The following SCML4 variants were observed in gnomAD, a reference collection of about 807,000 sequenced individuals.
The protein encoded by SCML4 is Scm polycomb group protein like 4, also known as sex comb on midleg-like protein 4.
Under a neutral mutation model 41.1 loss-of-function variants are expected in SCML4, and 34 were observed. The ratio of observed to expected loss-of-function variants is 0.83; its 90% CI spans 0.63 to 1.10. The LOEUF (loss-of-function observed/expected upper bound fraction) is 1.10. Ranked by LOEUF, SCML4 falls within the 50% of genes least tolerant of loss-of-function variation. The probability of loss-of-function intolerance (pLI) is 0.00; values close to 1 mark genes in which losing one functional copy is unlikely to be tolerated. For synonymous variants in SCML4, 214 were observed against 220.9 expected (o/e 0.97, Z 0.28); for missense variants, 522 against 534.1 (o/e 0.98, Z 0.22).
intron 2 of SCML4, among the ~76,000 whole-genome samples, chr6:107,761,334 CTTAAAA>C (rs1047491507): frequency 3.9e-5 from 6 of 151,948 alleles, no homozygotes; most frequent in African/African-American, 1.2e-4. Flanking sequence ...AGAGAAAAAT[CTTAAAA>C]TTAAAAATAC....
intron 1 of SCML4, among the ~76,000 whole-genome samples, chr6:107,806,061 G>A (rs763121771): frequency 5.9e-5 from 9 of 152,124 alleles, no homozygotes; most frequent in Non-Finnish European, 8.8e-5. Context: ...GATTTACCAC[G>A]GGGCCAGGTG....
intron 1 of SCML4, among the ~76,000 whole-genome samples, chr6:107,813,649 C>T (rs1024396188): frequency 2.0e-5 from 3 of 151,896 alleles, no homozygotes; most frequent in African/African-American, 7.3e-5. Context: ...CTTCCTTAGG[C>T]ATCAAAAATA....
chr6:107,828,283 G>A (rs1785313046), upstream of SCML4, among the ~76,000 whole-genome samples: 1 of 152,104 alleles, frequency 6.6e-6, no homozygotes, highest in Non-Finnish European at 1.5e-5. Context: ...CAATGACATG[G>A]GTGAAATCAT....
intron 1 of SCML4, among the ~76,000 whole-genome samples, chr6:107,818,746 T>G (rs887464493): frequency 3.3e-5 from 5 of 152,220 alleles, no homozygotes; most frequent in South Asian, 2.1e-4. Context: ...CTTCGGTTCT[T>G]CCTTTCCTCA....
At chr6:107,708,379 G>A (rs1236813473) in intron 6 of SCML4, among the ~76,000 whole-genome samples, 2 of 152,190 alleles carry the variant, frequency 1.3e-5, no homozygotes, top group East Asian at 3.9e-4. Flanking sequence ...CCTGAGCCTG[G>A]GTACTTGGTG....
intron 1 of SCML4, among the ~76,000 whole-genome samples, chr6:107,786,420 C>A (rs1359536114): frequency 1.3e-5 from 2 of 152,224 alleles, no homozygotes; most frequent in African/African-American, 4.8e-5. Flanking sequence ...AGGCTCCTCC[C>A]CCACAGTCTT....
At chr6:107,841,460 G>A in the SCML4 span, among the ~76,000 whole-genome samples, 6 of 152,184 alleles carry the variant, frequency 3.9e-5, no homozygotes, top group Non-Finnish European at 7.3e-5. Flanking sequence ...AGCTTCTTCC[G>A]TCATGCACTG....
At chr6:107,775,425 G>A (rs1387969372) in intron 1 of SCML4, among the ~76,000 whole-genome samples, 1 of 152,210 alleles carries the variant, frequency 6.6e-6, no homozygotes, top group Non-Finnish European at 1.5e-5. Context: ...ATGAAGTTGT[G>A]TGACTTGCTG....
At chr6:107,838,448 G>A in the SCML4 span, among the ~76,000 whole-genome samples, 7 of 152,298 alleles carry the variant, frequency 4.6e-5, no homozygotes, top group Middle Eastern at 6.8e-3. Context: ...TGACAGGCGC[G>A]TTGTCAGGCC....
chr6:107,823,161 A>T (rs1218962201), intron 1 of SCML4, among the ~76,000 whole-genome samples: 1 of 152,226 alleles, frequency 6.6e-6, no homozygotes, highest in African/African-American at 2.4e-5. Context: ...GTAGTGTCTG[A>T]GATCAGTAAA....
At chr6:107,784,270 C>A (rs968340848) in intron 1 of SCML4, among the ~76,000 whole-genome samples, 1 of 152,128 alleles carries the variant, frequency 6.6e-6, no homozygotes, top group African/African-American at 2.4e-5. Context: ...CCTGGAGATA[C>A]ACCTGCAGGC....
intron 2 of SCML4, among the ~76,000 whole-genome samples, chr6:107,759,507 T>G (rs1164896498): frequency 6.6e-6 from 1 of 152,144 alleles, no homozygotes; most frequent in African/African-American, 2.4e-5. Flanking sequence ...AAGAATTGAT[T>G]GGATTCAGGG....
Position 107,720,795 on chromosome 6 carries a change from G to C in SCML4, c.881C>G (p.Pro294Arg), listed in dbSNP as rs1775311802. 1.2e-6 allele frequency: 2 copies of C among 1,613,872 alleles called. No individual in the cohort carries two copies. Among genetic ancestry groups the C allele is most frequent in the African/African-American group, 2.7e-5 (2 of 74,938 alleles). Residue 294 changes from proline to arginine, a missense_variant, in exon 6 of 8, where the codon CCC (proline) becomes CGC (arginine). By Grantham distance (103) the Pro-to-Arg change is moderately radical. Transcript: ENST00000369020. Reference sequence around the variant, plus strand: ...TGCCGAGGGGCCACCAGAAGACATGGGGCTAGTGCGGGGACCACCAGCGGT... The same window carrying C: ...TGCCGAGGGGCCACCAGAAGACATGCGGCTAGTGCGGGGACCACCAGCGGT... ...AATAGGPRTS[P>R]MSSGGPSAPG...
intron 2 of SCML4, among the ~76,000 whole-genome samples, chr6:107,756,948 C>T (rs1229095146): frequency 1.3e-5 from 2 of 152,164 alleles, no homozygotes; most frequent in East Asian, 3.9e-4. Context: ...ACATCCCTGC[C>T]CAAATGCTAG....
intron 1 of SCML4, among the ~76,000 whole-genome samples, chr6:107,811,789 A>C (rs1784176166): frequency 6.6e-6 from 1 of 152,156 alleles, no homozygotes; most frequent in Non-Finnish European, 1.5e-5. Context: ...GATGGTGCCA[A>C]ACAGCATCAT....
upstream of SCML4, among the ~76,000 whole-genome samples, chr6:107,826,977 G>A (rs1456583159): frequency 6.6e-6 from 1 of 151,926 alleles, no homozygotes; most frequent in East Asian, 1.9e-4. Flanking sequence ...GCAGGAGAAT[G>A]GTGTGAACCC....
chr6:107,798,837 G>A (rs1782898513), intron 1 of SCML4, among the ~76,000 whole-genome samples: 1 of 151,856 alleles, frequency 6.6e-6, no homozygotes, highest in Non-Finnish European at 1.5e-5. Context: ...AATTTTCCTG[G>A]TGATTTCTTC....
chr6:107,748,312 A>C (rs896453394), intron 3 of SCML4, among the ~76,000 whole-genome samples: 7 of 152,210 alleles, frequency 4.6e-5, no homozygotes, highest in African/African-American at 1.7e-4. Flanking sequence ...GGTGCAAAGG[A>C]GTGCTGAAGA....
intron 1 of SCML4, among the ~76,000 whole-genome samples, chr6:107,796,760 T>C (rs1047323866): frequency 8.7e-5 from 13 of 149,660 alleles, no homozygotes; most frequent in Middle Eastern, 6.9e-3. Flanking sequence ...TTCTAATTTT[T>C]TGTTGTTGTA....
Sources: allele counts gnomAD v4.1 joint callset (sites outside exome capture counted in the v4.1 genomes callset), GRCh38; gene constraint gnomAD v4.1.1; transcripts MANE v1.5; gene names NCBI Gene and HGNC (gene_info 2026-07-23, HGNC 2026-07-21).